Variants in GOLM1 observed in about 807,000 individuals in gnomAD.
The protein encoded by GOLM1 is epididymis luminal protein 46.
GOLM1 carries 31 observed loss-of-function variants against 50.5 expected under a neutral mutation model. The observed-to-expected ratio is 0.61, with a 90% CI of 0.46 to 0.83. The LOEUF is 0.83. Among genes scored for constraint, GOLM1 ranks in the 40% least tolerant of loss-of-function variants. The pLI is 0.00. For missense variants in GOLM1, 491 were observed against 501.3 expected (o/e 0.98, Z 0.20); for synonymous variants, 178 against 192.8 (o/e 0.92, Z 0.64).
intron 9 of GOLM1, among the ~76,000 whole-genome samples, chr9:86,028,442 A>G (rs1230938447): frequency 2.6e-5 from 4 of 152,154 alleles, no homozygotes; most frequent in Non-Finnish European, 4.4e-5. Flanking sequence ...TTCCCATGCT[A>G]TCCCCCTTCT....
intron 3 of GOLM1, among the ~76,000 whole-genome samples, chr9:86,058,343 C>T (rs1039338709): frequency 6.6e-6 from 1 of 152,210 alleles, no homozygotes; most frequent in Non-Finnish European, 1.5e-5. Flanking sequence ...AGATGCTCAA[C>T]CTCATTAGTC....
At chr9:86,035,279 GTGA>G (rs1255480368) in intron 8 of GOLM1, 86 bp downstream of exon 8, 1 of 1,547,506 alleles carries the variant, frequency 6.5e-7, no homozygotes, top group African/African-American at 1.4e-5. Context: ...AAAATTCAGG[GTGA>G]TATGTTGGTG....
intron 3 of GOLM1, among the ~76,000 whole-genome samples, chr9:86,076,132 T>C (rs1834603363): frequency 6.6e-6 from 1 of 152,026 alleles, no homozygotes; most frequent in African/African-American, 2.4e-5. Context: ...AAGCCAAATT[T>C]TTCAGGCCAG....
rs184754699 is a variant in GOLM1 at position 86,033,545 on chromosome 9, G to T, written c.1016-150C>A. 2.4e-3 allele frequency: 1,503 copies of T among 618,378 alleles called. 44 individuals carry two copies. The South Asian group carries it at 0.027, about 11-fold the overall frequency. The allele number at this position is 618,378 out of a possible 1,614,324, so 38.3% of individuals were successfully genotyped here. On this transcript the variant is annotated intron_variant, in intron 8 of 9. Transcript: ENST00000388712. ...GGAAATGGTAGGGACGCAAGGGCTG[G>T]CTTCCAGGACAAGCACATGCATTAT...
intron 1 of GOLM1, among the ~76,000 whole-genome samples, chr9:86,081,539 G>A (rs1403319953): frequency 2.0e-5 from 3 of 152,070 alleles, no homozygotes; most frequent in Non-Finnish European, 2.9e-5. Flanking sequence ...AAGAGGGGGT[G>A]GCAGGGACTT....
At chr9:86,033,223 A>C in intron 9 of GOLM1, 59 bp downstream of exon 9, 1 of 922,134 alleles carries the variant, frequency 1.1e-6, no homozygotes, top group Non-Finnish European at 1.8e-6. Context: ...AATCACGGTG[A>C]AGGACCAGGA....
intron 1 of GOLM1, among the ~76,000 whole-genome samples, chr9:86,093,517 T>G (rs1835251685): frequency 6.6e-6 from 1 of 150,612 alleles, no homozygotes; most frequent in Non-Finnish European, 1.5e-5. Flanking sequence ...TTGCAGTGAG[T>G]TGAGATTGCG....
chr9:86,036,532 A>G (rs1407098435), intron 6 of GOLM1, 25 bp from the exon 7 acceptor site: 19 of 1,612,622 alleles, frequency 1.2e-5, no homozygotes, highest in Non-Finnish European at 1.6e-5. Flanking sequence ...CAGGACAGCC[A>G]GCCAGGGCAG....
intron 5 of GOLM1, among the ~76,000 whole-genome samples, chr9:86,042,132 A>G (rs993678751): frequency 1.3e-5 from 2 of 152,164 alleles, no homozygotes; most frequent in African/African-American, 2.4e-5. Context: ...AAACAAAACA[A>G]AACTTGAACT....
intron 1 of GOLM1, among the ~76,000 whole-genome samples, chr9:86,096,104 T>C (rs1835348547): frequency 6.6e-6 from 1 of 151,874 alleles, no homozygotes; most frequent in Non-Finnish European, 1.5e-5. Flanking sequence ...TTTAAATATG[T>C]AAAACCTTTT....
In GOLM1 at chr9:86,026,487, A is replaced by G. The variant is rs1832787647; in HGVS notation, c.*1330T>C. ...GAGTCTGTGTGAGGCCAGGGGTGCCAGCGCACCAGCTAGATGCTCTGTAAC... is the reference window on the plus strand; with the variant it reads ...GAGTCTGTGTGAGGCCAGGGGTGCCGGCGCACCAGCTAGATGCTCTGTAAC... On this transcript the variant is annotated 3_prime_UTR_variant, in exon 10 of 10. Coordinates refer to ENST00000388712, the MANE Select transcript of GOLM1 (RefSeq NM_016548.4). 3 of 910,400 alleles carry G rather than the reference A, an allele frequency of 3.3e-6. No individual in the cohort carries two copies. Among genetic ancestry groups the G allele is most frequent in the Non-Finnish European group, 3.9e-6 (3 of 761,664 alleles). The allele number at this position is 910,400 out of a possible 1,614,324, so 56.4% of individuals were successfully genotyped here. A position where few individuals can be genotyped will look rare whatever the true frequency, so the allele number is the denominator to read the frequency against.
intron 3 of GOLM1, among the ~76,000 whole-genome samples, chr9:86,055,411 A>G (rs773778727): frequency 1.1e-4 from 17 of 152,164 alleles, no homozygotes; most frequent in Admixed American, 3.3e-4. Context: ...AAAGATTACC[A>G]TATGATCCCA....
intron 3 of GOLM1, among the ~76,000 whole-genome samples, chr9:86,072,231 CAT>C (rs1483631530): frequency 2.6e-5 from 4 of 152,138 alleles, no homozygotes; most frequent in African/African-American, 9.7e-5. Context: ...AGAAGGGGAA[CAT>C]AGAGAACCTT....
chr9:86,053,824 C>A (rs1833904575), intron 3 of GOLM1, among the ~76,000 whole-genome samples: 1 of 148,474 alleles, frequency 6.7e-6, no homozygotes, highest in African/African-American at 2.5e-5. Context: ...ACATCACACA[C>A]CAAACCAAAC....
chr9:86,075,776 TTTTTTC>T (rs200310763), intron 3 of GOLM1, among the ~76,000 whole-genome samples: 112 of 152,304 alleles, frequency 7.4e-4, no homozygotes, highest in African/African-American at 2.6e-3. Flanking sequence ...TGATGCTCTT[TTTTTTC>T]TTTTTCTTTT....
Position 86,027,078 on chromosome 9 carries a change from A to G in GOLM1, c.*739T>C. ...TGCTTCTTGCTTTTCTTGGTAATAT[A>G]TATTTAGGGAAGATGTTGCTTTGCC... is the stretch of plus-strand genomic sequence containing the variant. On this transcript the variant is annotated 3_prime_UTR_variant, in exon 10 of 10. Coordinates refer to ENST00000388712, the MANE Select transcript of GOLM1 (RefSeq NM_016548.4). The G allele has an allele frequency of 3.0e-6, 3 of 985,292 alleles. No individual in the cohort carries two copies. The highest frequency in any genetic ancestry group is 3.6e-6 in the Non-Finnish European group (3 of 829,896). 61.0% of individuals were successfully genotyped at this position (985,292 alleles called of 1,614,324 possible).
intron 1 of GOLM1, among the ~76,000 whole-genome samples, chr9:86,090,232 C>T (rs1835132916): frequency 6.6e-6 from 1 of 152,178 alleles, no homozygotes; most frequent in Admixed American, 6.5e-5. Context: ...GTCAGGGACC[C>T]ACTTGAAGAG....
At chr9:86,040,077 G>T (rs1833287052) in intron 6 of GOLM1, among the ~76,000 whole-genome samples, 1 of 152,080 alleles carries the variant, frequency 6.6e-6, no homozygotes, top group Admixed American at 6.6e-5. Flanking sequence ...TTAGCAGTTG[G>T]CTGTCTAGGG....
At chr9:86,067,101 A>G (rs1049796182) in intron 3 of GOLM1, among the ~76,000 whole-genome samples, 1 of 152,070 alleles carries the variant, frequency 6.6e-6, no homozygotes, top group African/African-American at 2.4e-5. Context: ...ACACCCAGCT[A>G]ATTTTTGTAT....
Sources: allele counts gnomAD v4.1 joint callset (sites outside exome capture counted in the v4.1 genomes callset), GRCh38; gene constraint gnomAD v4.1.1; transcripts MANE v1.5; gene names NCBI Gene and HGNC (gene_info 2026-07-23, HGNC 2026-07-21).